The following PLAAT3 variants were observed in gnomAD, a reference collection of about 807,000 sequenced individuals.
PLAAT3 encodes Ca-independent phospholipase A1/2.
PLAAT3 carries 21 observed loss-of-function variants against 16.7 expected under a neutral mutation model. That is an observed-to-expected ratio of 1.26 (90% confidence interval 0.89 to 1.81). The LOEUF (loss-of-function observed/expected upper bound fraction) is 1.81, where lower values mean the gene tolerates loss of function less well. Ranked by LOEUF, PLAAT3 falls within the 40% of genes most tolerant of loss-of-function variation. The pLI is 0.00. For missense variants in PLAAT3, 219 were observed against 213.7 expected (o/e 1.02, Z -0.16); for synonymous variants, 76 against 81.7 (o/e 0.93, Z 0.38).
chr11:63,584,206 G>A (rs536542747), intron 4 of PLAAT3, among the ~76,000 whole-genome samples: 16 of 151,258 alleles, frequency 1.1e-4, no homozygotes, highest in Admixed American at 3.3e-4. Flanking sequence ...ATGTATTGCC[G>A]CCAGACACAT....
At chr11:63,578,762 A>C (rs1036766253) in intron 4 of PLAAT3, among the ~76,000 whole-genome samples, 2 of 151,758 alleles carry the variant, frequency 1.3e-5, no homozygotes, top group Non-Finnish European at 1.5e-5. Flanking sequence ...CTAAAACCAT[A>C]AAAACCCTAG....
chr11:63,600,275 G>A (rs1246409619), intron 2 of PLAAT3, among the ~76,000 whole-genome samples: 2 of 152,096 alleles, frequency 1.3e-5, no homozygotes, highest in East Asian at 3.9e-4. Flanking sequence ...GTGCCATCGC[G>A]CCCAGCCCCA....
intron 4 of PLAAT3, among the ~76,000 whole-genome samples, chr11:63,583,385 A>C (rs940482748): frequency 2.0e-5 from 3 of 152,214 alleles, no homozygotes; most frequent in African/African-American, 7.2e-5. Flanking sequence ...GAGGAGGAAC[A>C]ATATGTCCCT....
At chr11:63,605,917 C>T (rs1357116255) in intron 2 of PLAAT3, among the ~76,000 whole-genome samples, 3 of 152,118 alleles carry the variant, frequency 2.0e-5, no homozygotes, top group Non-Finnish European at 2.9e-5. Flanking sequence ...GATGTCAGGG[C>T]AATGACAACA....
intron 3 of PLAAT3, among the ~76,000 whole-genome samples, chr11:63,593,371 C>G (rs980496904): frequency 6.6e-6 from 1 of 152,136 alleles, no homozygotes; most frequent in African/African-American, 2.4e-5. Context: ...GCATCTAGAA[C>G]AGAAGGAACA....
chr11:63,612,894 A>G (rs925801161), intron 2 of PLAAT3, among the ~76,000 whole-genome samples: 3 of 152,198 alleles, frequency 2.0e-5, no homozygotes, highest in Admixed American at 1.3e-4. Flanking sequence ...TCTGGACATT[A>G]TTACTATTCA....
chr11:63,579,872 T>TAAAAAAAAAAAA (rs34817353), intron 4 of PLAAT3, among the ~76,000 whole-genome samples: 3 of 107,100 alleles, frequency 2.8e-5, no homozygotes, highest in East Asian at 2.6e-4. Context: ...TAAAGTATAA[T>TAAAAAAAAAAAA]AAAAAAAAAA....
upstream of PLAAT3, among the ~76,000 whole-genome samples, chr11:63,615,036 A>ATATATATATGTC (rs1430716959): frequency 3.9e-4 from 9 of 23,324 alleles, no homozygotes; most frequent in South Asian, 0.027. Context: ...ATGTGTGTAT[A>ATATATATATGTC]TATATGTATA....
chr11:63,579,494 C>T (rs1028352912), intron 4 of PLAAT3, among the ~76,000 whole-genome samples: 9 of 151,878 alleles, frequency 5.9e-5, no homozygotes, highest in South Asian at 2.1e-4. Flanking sequence ...TAATGATAGA[C>T]TGGATTAAGA....
At chr11:63,593,707 G>A (rs1938208827) in intron 3 of PLAAT3, among the ~76,000 whole-genome samples, 2 of 151,820 alleles carry the variant, frequency 1.3e-5, no homozygotes, top group Non-Finnish European at 2.9e-5. Context: ...CAGCCTCCAA[G>A]TAGATAGGAC....
At chr11:63,578,383 T>C (rs1334852146) in intron 4 of PLAAT3, among the ~76,000 whole-genome samples, 2 of 152,008 alleles carry the variant, frequency 1.3e-5, no homozygotes, top group African/African-American at 2.4e-5. Context: ...TTTTATAGCA[T>C]TGGGTAAAGA....
Position 63,574,462 on chromosome 11 carries a change from C to CTT in PLAAT3, c.*481_*482dup. 6.9e-6 allele frequency: 1 copy of CTT among 144,918 alleles called. No individual in the cohort carries two copies. Among genetic ancestry groups the CTT allele is most frequent in the Non-Finnish European group, 1.5e-5 (1 of 65,902 alleles). 9.0% of individuals were successfully genotyped at this position (144,918 alleles called of 1,614,324 possible). A position where few individuals can be genotyped will look rare whatever the true frequency, so the allele number is the denominator to read the frequency against. ...TACTAAATTTCCTTATAGCCGAGGA[C>CTT]TTTTTTTTTTTCAACTCAGCTGAAC... is the stretch of plus-strand genomic sequence containing the variant. On this transcript the variant is annotated 3_prime_UTR_variant, in exon 5 of 5. Transcript: ENST00000415826.
chr11:63,598,111 T>G lies in PLAAT3; in HGVS notation c.68A>C (p.His23Pro). The G allele has an allele frequency of 6.2e-7, 1 of 1,614,076 alleles. No individual in the cohort carries two copies. The highest frequency in any genetic ancestry group is 8.5e-7 in the Non-Finnish European group (1 of 1,179,974). ...TCCATCGCCAACATAGATGGCCCAG[T>G]GTCTGTAGAAAGGGCGAAAAATCTC... ...LIEIFRPFYRHWAIYVGDGYV... is the reference protein window; with the variant it reads ...LIEIFRPFYRPWAIYVGDGYV... Residue 23 changes from histidine to proline, a missense_variant, in exon 3 of 5, where the codon CAC becomes CCC. By Grantham distance (77) the His-to-Pro change is moderately conservative. Transcript: ENST00000415826.
chr11:63,593,436 G>A (rs1938200782), intron 3 of PLAAT3, among the ~76,000 whole-genome samples: 3 of 152,236 alleles, frequency 2.0e-5, no homozygotes, highest in African/African-American at 7.2e-5. Context: ...AGGCAGCAAG[G>A]AGGCCAACGT....
chr11:63,597,638 C>A lies in PLAAT3; in HGVS notation c.118+423G>T, dbSNP rs79673723. Among the ~76,000 whole-genome samples the A allele has an allele frequency of 4.7e-3, 714 of 152,296 alleles. 9 individuals are homozygous for A. Among genetic ancestry groups the A allele is most frequent in the African/African-American group, 0.017 (691 of 41,564 alleles). Reference sequence around the variant, plus strand: ...AGGAGTGTGCAACCTAGATCCCTTGCGTGTGCAGTTCACAGTAGGGTTCAT... The same window carrying A: ...AGGAGTGTGCAACCTAGATCCCTTGAGTGTGCAGTTCACAGTAGGGTTCAT... On this transcript the variant is annotated intron_variant, in intron 3 of 4. Coordinates refer to ENST00000415826, the MANE Select transcript of PLAAT3 (RefSeq NM_001128203.2).
chr11:63,606,985 A>G (rs1938584088), intron 2 of PLAAT3, among the ~76,000 whole-genome samples: 1 of 152,166 alleles, frequency 6.6e-6, no homozygotes, highest in South Asian at 2.1e-4. Context: ...TGTAGGGTGC[A>G]AGGAGGAGGC....
chr11:63,590,384 G>A lies in PLAAT3; in HGVS notation c.119-16C>T. The A allele has an allele frequency of 6.2e-7, 1 of 1,612,040 alleles. No individual in the cohort carries two copies. Among genetic ancestry groups the A allele is most frequent in the Non-Finnish European group, 8.5e-7 (1 of 1,179,150 alleles). ...GCGACCTCACCTGCAGATCCACAAA[G>A]AGGAAACAGAGGGATTGGTCCTGGG... On this transcript the variant is annotated splice_polypyrimidine_tract_variant and intron_variant, in intron 3 of 4. Coordinates refer to ENST00000415826, the MANE Select transcript of PLAAT3 (RefSeq NM_001128203.2).
intron 2 of PLAAT3, chr11:63,608,322 A>G (rs1938618403): frequency 6.6e-6 from 1 of 152,318 alleles, no homozygotes; most frequent in Non-Finnish European, 1.5e-5. Context: ...GTCATGCCTC[A>G]TTTCACAGGT....
At chr11:63,592,644 G>A (rs1445470597) in intron 3 of PLAAT3, among the ~76,000 whole-genome samples, 2 of 152,188 alleles carry the variant, frequency 1.3e-5, no homozygotes, top group East Asian at 1.9e-4. Context: ...GACTGCCTGG[G>A]TTTGGGTCCT....
Sources: gnomAD v4.1 joint callset for allele counts (sites outside exome capture counted in the v4.1 genomes callset) on GRCh38, gnomAD v4.1.1 for gene constraint, MANE v1.5 for transcripts, NCBI Gene and HGNC (gene_info 2026-07-23, HGNC 2026-07-21) for gene names.